Variants in DENND2B observed in about 807,000 individuals in gnomAD.
The protein encoded by DENND2B is DENN domain-containing protein 2B.
DENND2B carries 32 observed loss-of-function variants against 116.0 expected under a neutral mutation model. The ratio of observed to expected loss-of-function variants is 0.28; its 90% CI spans 0.21 to 0.37. DENND2B has a LOEUF of 0.37. DENND2B is among the 10% of genes least tolerant of loss of function. The pLI is 1.00. For synonymous variants in DENND2B, 588 were observed against 583.9 expected (o/e 1.01, Z -0.10); for missense variants, 1,276 against 1,477.7 (o/e 0.86, Z 2.24).
At chr11:8,834,709 C>T (rs538430338) in intron 4 of DENND2B, among the ~76,000 whole-genome samples, 12 of 152,294 alleles carry the variant, frequency 7.9e-5, no homozygotes, top group African/African-American at 2.9e-4. Flanking sequence ...TCTAGAGCAA[C>T]TTCACCAGCA....
Position 8,759,330 on chromosome 11 carries a change from G to T in DENND2B, c.-25-8605C>A, listed in dbSNP as rs79686725. Among the ~76,000 whole-genome samples, 4 of 152,340 alleles carry T rather than the reference G, an allele frequency of 2.6e-5. No homozygotes were observed. In the East Asian group the frequency reaches 7.7e-4, roughly 29 times the overall value. On this transcript the variant is annotated intron_variant, in intron 1 of 19. Transcript: ENST00000313726. Reference sequence around the variant, plus strand: ...TGCTCTTGAAGCAGGAGACAGCTGAGCCCTGAGTGAAGAGGAAGAAATGCA... The same window carrying T: ...TGCTCTTGAAGCAGGAGACAGCTGATCCCTGAGTGAAGAGGAAGAAATGCA...
chr11:8,728,792 C>T (rs748697992), intron 3 of DENND2B, among the ~76,000 whole-genome samples: 1 of 152,206 alleles, frequency 6.6e-6, no homozygotes, highest in Non-Finnish European at 1.5e-5. Flanking sequence ...CACCAGACCA[C>T]GAAGTCCTTG....
chr11:8,882,619 C>T (rs1402649368), intron 1 of DENND2B, among the ~76,000 whole-genome samples: 4 of 152,094 alleles, frequency 2.6e-5, no homozygotes, highest in Non-Finnish European at 5.9e-5. Context: ...TAGAATGTAA[C>T]CAGAAACCTA....
chr11:8,712,723 C>T lies in DENND2B; in HGVS notation c.2000G>A (p.Arg667His), dbSNP rs139518316. Residue 667 changes from arginine (R) to histidine (H), a missense_variant, in exon 9 of 20, where the codon CGC (arginine) becomes CAC (histidine). By Grantham distance (29) the Arg-to-His change is conservative. Around this residue, in one of 2 missense-constraint regions of DENND2B, gnomAD observed 420 missense variants for 631.1 expected, o/e 0.67. Transcript: ENST00000313726. The surrounding 1 kb of genome is among the most constrained non-coding windows in gnomAD (Gnocchi z 4.4). ...SDDRFKAHTQRLVHIQSMLKR... is the reference protein window; with the variant it reads ...SDDRFKAHTQHLVHIQSMLKR... ...CAGCATCGACTGGATGTGGACCAGGCGCTGTGTGTGGGCTGGAGGCAGGTT... is the reference window on the plus strand; with the variant it reads ...CAGCATCGACTGGATGTGGACCAGGTGCTGTGTGTGGGCTGGAGGCAGGTT... 16 of 1,611,200 alleles carry T rather than the reference C, an allele frequency of 9.9e-6. No homozygotes were observed. Among genetic ancestry groups the T allele is most frequent in the African/African-American group, 1.3e-5 (1 of 74,874 alleles).
chr11:8,886,552 CA>C (rs796142825), intron 1 of DENND2B, among the ~76,000 whole-genome samples: 5 of 151,796 alleles, frequency 3.3e-5, no homozygotes, highest in African/African-American at 1.2e-4. Context: ...CCTAGATAAA[CA>C]GACTATCATC....
At chr11:8,893,027 C>T (rs1460242324) in intron 1 of DENND2B, among the ~76,000 whole-genome samples, 1 of 152,190 alleles carries the variant, frequency 6.6e-6, no homozygotes, top group Non-Finnish European at 1.5e-5. Flanking sequence ...AATCCAGCAG[C>T]ACATCGAAAA....
rs573765317 is a variant in DENND2B, at chr11:8,843,645, C to T, written c.-155-4295G>A. On this transcript the variant is annotated intron_variant, in intron 3 of 6. Transcript: ENST00000524757. ...CAGCCCCACCACCGCCTCTCCTTTC[C>T]AAGCCCTCCTCTCATACGGAATACA... Among the ~76,000 whole-genome samples, 9 of 152,312 alleles carry T rather than the reference C, an allele frequency of 5.9e-5. No homozygotes were observed. In the South Asian group the frequency reaches 1.9e-3, roughly 32 times the overall value.
chr11:8,750,772 A>G lies in DENND2B; in HGVS notation c.-25-47T>C, dbSNP rs769021891. On this transcript the variant is annotated intron_variant, in intron 1 of 19. Transcript: ENST00000313726. ...TAAGCCAAGTTTCTATAGGCAGCCA[A>G]AAGCACCTTGAACATCTTCCAGATG... The G allele has an allele frequency of 1.9e-6, 3 of 1,574,398 alleles. No individual in the cohort carries two copies. The South Asian group carries it at 3.3e-5, about 17-fold the overall frequency.
At chr11:8,705,000 G>A (rs534589223) in intron 13 of DENND2B, among the ~76,000 whole-genome samples, 3 of 152,146 alleles carry the variant, frequency 2.0e-5, no homozygotes, top group South Asian at 2.1e-4. Context: ...CACGGTGCCC[G>A]GTCTGACCTT....
chr11:8,828,179 G>A lies in DENND2B; in HGVS notation c.-115+11131C>T, dbSNP rs550498127. ...GCTGTTCCTGCCTACAGTGGCTGGGGCAGAGATCTAAAGCAAGTAAAGGAC... is the reference window on the plus strand; with the variant it reads ...GCTGTTCCTGCCTACAGTGGCTGGGACAGAGATCTAAAGCAAGTAAAGGAC... On this transcript the variant is annotated intron_variant, in intron 4 of 6. Coordinates refer to the DENND2B transcript ENST00000524757. 2.7e-3 allele frequency among the ~76,000 whole-genome samples: 411 copies of A among 152,300 alleles called. 4 individuals are homozygous for A. Among genetic ancestry groups the A allele is most frequent in the African/African-American group, 9.6e-3 (398 of 41,564 alleles).
chr11:8,736,744 A>T (rs1366113940), intron 2 of DENND2B, among the ~76,000 whole-genome samples: 1 of 152,204 alleles, frequency 6.6e-6, no homozygotes, highest in East Asian at 1.9e-4. Flanking sequence ...CAGTGTGGCC[A>T]GAGTGGAGGG....
intron 1 of DENND2B, 53 bp from the exon 2 acceptor site, chr11:8,750,778 C>T (rs566737809): frequency 5.1e-4 from 791 of 1,536,454 alleles, no homozygotes; most frequent in Non-Finnish European, 6.5e-4. Context: ...GCCAAAAGCA[C>T]CTTGAACATC....
rs776604659 is a variant in DENND2B at position 8,714,644 on chromosome 11, C to T, written c.1908G>A (p.Leu636=). ...ATGCTGTTTCAATGCTGGACATAGACAACTTTTTTAATCTCTTCTTTCCTC... is the reference window on the plus strand; with the variant it reads ...ATGCTGTTTCAATGCTGGACATAGATAACTTTTTTAATCTCTTCTTTCCTC... ...AKRGKKRLKK[L]SMSSIETASL... The change falls in exon 7 of 20, where the codon TTG becomes TTA. Residue 636 remains leucine (L), a synonymous_variant. Coordinates refer to ENST00000313726, the MANE Select transcript of DENND2B (RefSeq NM_213618.2). 8 of 1,614,080 alleles carry T rather than the reference C, an allele frequency of 5.0e-6. No individual in the cohort carries two copies. In the Admixed American group the frequency reaches 1.3e-4, roughly 27 times the overall value.
rs1278345115 is a variant in DENND2B, at chr11:8,697,650, A to C, written c.2941-14T>G. On this transcript the variant is annotated splice_polypyrimidine_tract_variant and intron_variant, in intron 16 of 19. Transcript: ENST00000313726. Reference sequence around the variant, plus strand: ...TTCGTCGTCCATCTGCAGGAGAAAGAAAGCACAGTGACAATCATAGCTGAC... The same window carrying C: ...TTCGTCGTCCATCTGCAGGAGAAAGCAAGCACAGTGACAATCATAGCTGAC... 1.9e-6 allele frequency: 3 copies of C among 1,582,244 alleles called. No individual in the cohort carries two copies. The highest frequency in any genetic ancestry group is 3.3e-5 in the Admixed American group (2 of 59,984).
intron 2 of DENND2B, among the ~76,000 whole-genome samples, chr11:8,859,314 G>C (rs554878076): frequency 0.012 from 1,752 of 151,494 alleles, 42 homozygotes; most frequent in African/African-American, 0.041. Flanking sequence ...TTGTTTGTTT[G>C]TTTGTTTTTT....
upstream of DENND2B, among the ~76,000 whole-genome samples, chr11:8,873,981 TA>T (rs557260440): frequency 1.2e-4 from 19 of 152,328 alleles, no homozygotes; most frequent in African/African-American, 4.1e-4. Flanking sequence ...GAAGCGCTTG[TA>T]GGAGGAATTT....
Position 8,708,895 on chromosome 11 carries a change from G to A in DENND2B, c.2353-1041C>T, listed in dbSNP as rs187033344. On this transcript the variant is annotated intron_variant, in intron 11 of 19. Coordinates refer to ENST00000313726, the MANE Select transcript of DENND2B (RefSeq NM_213618.2). ...GAACCCGGGAGGTGGAGGTTGCAGT[G>A]AGCCGAGATCACACCATTGTACTTC... 1.5e-4 allele frequency among the ~76,000 whole-genome samples: 22 copies of A among 146,520 alleles called. No homozygotes were observed. The East Asian group carries it at 4.3e-3, about 29-fold the overall frequency.
intron 11 of DENND2B, 58 bp downstream of exon 11, chr11:8,710,787 A>T (rs2133792917): frequency 7.1e-7 from 1 of 1,407,288 alleles, no homozygotes; most frequent in Non-Finnish European, 9.9e-7. Flanking sequence ...ACACACACAC[A>T]CACACACCCT....
intron 2 of DENND2B, among the ~76,000 whole-genome samples, chr11:8,863,102 G>C (rs1327873377): frequency 6.6e-6 from 1 of 151,874 alleles, no homozygotes; most frequent in Admixed American, 6.6e-5. Context: ...GATTGCTTGA[G>C]CCTGGGAGTT....
Sources: allele counts gnomAD v4.1 joint callset (sites outside exome capture counted in the v4.1 genomes callset), GRCh38; gene constraint gnomAD v4.1.1; regional missense constraint gnomAD v4.1.1; non-coding constraint Gnocchi (gnomAD v3.1); transcripts MANE v1.5; gene names NCBI Gene and HGNC (gene_info 2026-07-23, HGNC 2026-07-21).